The following GALNT10 variants were observed in gnomAD, a reference collection of about 807,000 sequenced individuals.
GALNT10 encodes the protein polypeptide N-acetylgalactosaminyltransferase 10.
In GALNT10, 41 loss-of-function variants were observed where a neutral mutation model predicts 75.0. The ratio of observed to expected loss-of-function variants is 0.55; its 90% CI spans 0.43 to 0.71. The LOEUF is 0.71. Among genes scored for constraint, GALNT10 ranks in the 30% least tolerant of loss-of-function variants. The probability of loss-of-function intolerance (pLI) is 0.00; values close to 1 mark genes in which losing one functional copy is unlikely to be tolerated. For missense variants in GALNT10, 727 were observed against 818.5 expected (o/e 0.89, Z 1.36); for synonymous variants, 302 against 313.0 (o/e 0.96, Z 0.37).
At chr5:154,311,660 G>T (rs560493290) in intron 3 of GALNT10, among the ~76,000 whole-genome samples, 1 of 151,538 alleles carries the variant, frequency 6.6e-6, no homozygotes, top group Non-Finnish European at 1.5e-5. Context: ...TGCCCAGGCT[G>T]GAGTGCAGTG....
chr5:154,290,258 ATTTTTTTTTTTT>A (rs71577131), intron 1 of GALNT10, among the ~76,000 whole-genome samples: 163 of 98,904 alleles, frequency 1.6e-3, no homozygotes, highest in African/African-American at 6.2e-3. Flanking sequence ...CACTCAGCTA[ATTTTTTTTTTTT>A]TTTTTTTTTT....
intron 7 of GALNT10, among the ~76,000 whole-genome samples, chr5:154,399,530 G>A (rs545727189): frequency 1.0e-3 from 152 of 152,316 alleles, no homozygotes; most frequent in African/African-American, 3.4e-3. Context: ...CGAGAAACAA[G>A]GAAACCTCGG....
chr5:154,224,363 A>G (rs1753028835), intron 1 of GALNT10, among the ~76,000 whole-genome samples: 1 of 152,302 alleles, frequency 6.6e-6, no homozygotes, highest in African/African-American at 2.4e-5. Flanking sequence ...TATTCTATCA[A>G]TTCTTCTATA....
intron 1 of GALNT10, among the ~76,000 whole-genome samples, chr5:154,229,794 T>C (rs1242146818): frequency 6.6e-6 from 1 of 152,044 alleles, no homozygotes; most frequent in Non-Finnish European, 1.5e-5. Context: ...ACTCCTTCCG[T>C]AGTATCCCTA....
At chr5:154,280,564 T>C (rs1027663749) in intron 1 of GALNT10, among the ~76,000 whole-genome samples, 1 of 152,208 alleles carries the variant, frequency 6.6e-6, no homozygotes, top group Non-Finnish European at 1.5e-5. Context: ...AAAATATTAT[T>C]TTAAAAGATA....
intron 7 of GALNT10, chr5:154,403,834 C>G: frequency 2.1e-6 from 1 of 474,690 alleles, no homozygotes; most frequent in South Asian, 2.3e-5. Context: ...TTACTACCTA[C>G]TTTATAGGTT....
At chr5:154,216,533 T>G (rs1390660379) in intron 1 of GALNT10, among the ~76,000 whole-genome samples, 1 of 152,218 alleles carries the variant, frequency 6.6e-6, no homozygotes, top group Non-Finnish European at 1.5e-5. Context: ...GAGTTCAGAT[T>G]ATTTGTGTTC....
chr5:154,380,427 G>A (rs772698441), intron 5 of GALNT10, 21 bp from the exon 6 acceptor site: 2 of 1,599,484 alleles, frequency 1.3e-6, no homozygotes, highest in South Asian at 2.2e-5. Context: ...TCATCTGATA[G>A]GCATCTCTTG....
chr5:154,262,916 A>G (rs926642198), intron 1 of GALNT10, among the ~76,000 whole-genome samples: 3 of 152,126 alleles, frequency 2.0e-5, no homozygotes, highest in Non-Finnish European at 2.9e-5. Context: ...ACACATGGTA[A>G]CTAGATATAA....
At chr5:154,228,287 T>C (rs1205025314) in intron 1 of GALNT10, among the ~76,000 whole-genome samples, 1 of 152,260 alleles carries the variant, frequency 6.6e-6, no homozygotes, top group South Asian at 2.1e-4. Context: ...TTCTTGTTTT[T>C]CTACTGATAC....
chr5:154,225,359 TG>T (rs1354182536), intron 1 of GALNT10, among the ~76,000 whole-genome samples: 4 of 150,812 alleles, frequency 2.7e-5, no homozygotes, highest in Admixed American at 2.0e-4. Flanking sequence ...CCCAAAGTGC[TG>T]GGGATTACAG....
intron 1 of GALNT10, among the ~76,000 whole-genome samples, chr5:154,215,203 C>T (rs1752846518): frequency 6.6e-6 from 1 of 152,228 alleles, no homozygotes; most frequent in Non-Finnish European, 1.5e-5. Flanking sequence ...GTTATCTAGC[C>T]TGGGCGCAGT....
chr5:154,252,033 TCAAG>T (rs905112196), intron 1 of GALNT10, among the ~76,000 whole-genome samples: 1 of 152,142 alleles, frequency 6.6e-6, no homozygotes, highest in Non-Finnish European at 1.5e-5. Flanking sequence ...GCCCTGGTTT[TCAAG>T]GATACAGGAG....
At chr5:154,240,807 G>GTAT (rs1753324581) in intron 1 of GALNT10, among the ~76,000 whole-genome samples, 1 of 152,194 alleles carries the variant, frequency 6.6e-6, no homozygotes, top group Non-Finnish European at 1.5e-5. Flanking sequence ...TTTCACTGTG[G>GTAT]TATGGAGCAG....
At chr5:154,207,808 G>A (rs1421234688) in intron 1 of GALNT10, among the ~76,000 whole-genome samples, 1 of 152,160 alleles carries the variant, frequency 6.6e-6, no homozygotes, top group African/African-American at 2.4e-5. Flanking sequence ...CCAGGAGTGG[G>A]GCTGGGAGAG....
At chr5:154,270,991 C>CAAA (rs5872366) in intron 1 of GALNT10, among the ~76,000 whole-genome samples, 4 of 76,118 alleles carry the variant, frequency 5.3e-5, no homozygotes, top group African/African-American at 1.5e-4. Context: ...GATTCCATCT[C>CAAA]AAAAAAAAAA....
intron 1 of GALNT10, among the ~76,000 whole-genome samples, chr5:154,211,553 T>C (rs1384174248): frequency 6.6e-6 from 1 of 152,214 alleles, no homozygotes; most frequent in African/African-American, 2.4e-5. Context: ...TTTGGTTATA[T>C]AGTGCTGCAT....
At chr5:154,244,982 C>T (rs1268254038) in intron 1 of GALNT10, among the ~76,000 whole-genome samples, 1 of 152,162 alleles carries the variant, frequency 6.6e-6, no homozygotes, top group East Asian at 1.9e-4. Flanking sequence ...TCACCAGGGG[C>T]CTGTGGGTTC....
At chr5:154,291,994 T>G (rs577514383) in intron 1 of GALNT10, among the ~76,000 whole-genome samples, 1 of 152,310 alleles carries the variant, frequency 6.6e-6, no homozygotes, top group East Asian at 1.9e-4. Flanking sequence ...CCAAAAATCT[T>G]GATAAAACAA....
Sources: allele counts gnomAD v4.1 joint callset (sites outside exome capture counted in the v4.1 genomes callset), GRCh38; gene constraint gnomAD v4.1.1; transcripts MANE v1.5; gene names NCBI Gene and HGNC (gene_info 2026-07-23, HGNC 2026-07-21).